Variants in SLC26A5 observed in about 807,000 individuals in gnomAD.
SLC26A5 encodes the protein solute carrier family 26 member 5.
SLC26A5 carries 51 observed loss-of-function variants against 81.0 expected under a neutral mutation model. The observed-to-expected ratio is 0.63, with a 90% CI of 0.50 to 0.80. SLC26A5 has a LOEUF of 0.80. Ranked by LOEUF, SLC26A5 falls within the 30% of genes least tolerant of loss-of-function variation. The pLI is 0.00. For missense variants in SLC26A5, 771 were observed against 905.8 expected (o/e 0.85, Z 1.91); for synonymous variants, 325 against 332.8 (o/e 0.98, Z 0.25).
intron 19 of SLC26A5, among the ~76,000 whole-genome samples, chr7:103,375,735 C>T (rs1049675774): frequency 1.3e-5 from 2 of 151,692 alleles, no homozygotes; most frequent in Admixed American, 1.3e-4. Context: ...CACCCAGCCT[C>T]AGGCACTGTT....
At chr7:103,396,288 A>G (rs1024661080) in intron 9 of SLC26A5, among the ~76,000 whole-genome samples, 3 of 152,228 alleles carry the variant, frequency 2.0e-5, no homozygotes, top group Non-Finnish European at 2.9e-5. Context: ...AGGCTCTCAA[A>G]AAAGTAAAAA....
chr7:103,362,504 G>A lies in SLC26A5; in HGVS notation c.2042-9578C>T, dbSNP rs371415814. ...GATTGCTGTTGGATAGGTTGTTTGC[G>A]ACATTAGACATGTAGTTTAGTATCC... On this transcript the variant is annotated intron_variant, in intron 19 of 19. Coordinates refer to the SLC26A5 transcript ENST00000339444. The A allele has an allele frequency of 6.4e-6, 9 of 1,406,354 alleles. No individual in the cohort carries two copies. In the East Asian group the frequency reaches 1.6e-4, roughly 25 times the overall value. The allele number at this position is 1,406,354 out of a possible 1,614,324, so 87.1% of individuals were successfully genotyped here.
chr7:103,385,356 G>A (rs990013188), intron 14 of SLC26A5, among the ~76,000 whole-genome samples: 1 of 152,054 alleles, frequency 6.6e-6, no homozygotes, highest in South Asian at 2.1e-4. Context: ...GGATGGTCTC[G>A]ATCTCCTGAC....
chr7:103,417,742 G>C (rs1825035428), intron 4 of SLC26A5, among the ~76,000 whole-genome samples: 1 of 151,824 alleles, frequency 6.6e-6, no homozygotes, highest in South Asian at 2.1e-4. Flanking sequence ...TCCTATTCCT[G>C]TCATCTTATT....
At chr7:103,411,189 C>A (rs577020503) in intron 6 of SLC26A5, among the ~76,000 whole-genome samples, 1 of 152,242 alleles carries the variant, frequency 6.6e-6, no homozygotes, top group Admixed American at 6.5e-5. Context: ...CCAATCCTGC[C>A]GTGTCAAACT....
At chr7:103,439,815 G>A (rs1004823748) in intron 2 of SLC26A5, among the ~76,000 whole-genome samples, 1 of 152,168 alleles carries the variant, frequency 6.6e-6, no homozygotes, top group East Asian at 1.9e-4. Context: ...GATGATAGAC[G>A]TGAGCCACCG....
chr7:103,437,977 C>T (rs891639017), intron 2 of SLC26A5, among the ~76,000 whole-genome samples: 1 of 152,134 alleles, frequency 6.6e-6, no homozygotes, highest in Non-Finnish European at 1.5e-5. Context: ...TCAAGTTCTC[C>T]TTCCAAACTC....
At chr7:103,433,692 T>C (rs1826240647) in intron 2 of SLC26A5, 1 of 150,412 alleles carries the variant, frequency 6.6e-6, no homozygotes, top group East Asian at 1.9e-4. Flanking sequence ...TGTATTAATT[T>C]TTTTTTCTTT....
At chr7:103,371,629 A>T (rs1339453526), downstream of SLC26A5, among the ~76,000 whole-genome samples, 1 of 151,480 alleles carries the variant, frequency 6.6e-6, no homozygotes, top group Non-Finnish European at 1.5e-5. Context: ...TGGCCTGTAC[A>T]CTACTGTCAA....
rs150015080 is a variant in SLC26A5, at chr7:103,397,951, C to T, written c.952G>A (p.Val318Ile). The stretch of plus-strand genomic sequence containing the variant: ...TCCTACCCTAGAGGAAGTGTTCCAA[C>T]GACATCCACATTGTATGATTCTTTC... ...NLKESYNVDV[V>I]GTLPLGLLPP... Residue 318 changes from valine to isoleucine, a missense_variant, in exon 9 of 20, where the codon GTT (valine) becomes ATT (isoleucine). Coordinates refer to ENST00000306312, the MANE Select transcript of SLC26A5 (RefSeq NM_198999.3). The T allele has an allele frequency of 3.2e-5, 52 of 1,613,790 alleles. No individual in the cohort carries two copies. The highest frequency in any genetic ancestry group is 1.1e-4 in the South Asian group (10 of 91,082).
rs1273108314 is a variant in SLC26A5 at position 103,411,528 on chromosome 7, A to T, written c.462T>A (p.Asp154Glu). The change falls in exon 6 of 20, where the codon GAT becomes GAA. Residue 154 changes from aspartate (D) to glutamate (E), a missense_variant. Transcript: ENST00000306312. ...TTACTCCTCCTGGAATGACTATATC[A>T]TCTGGTACTAATCGAACAGCTACAC... ...IGGVAVRLVP[D>E]DIVIPGGVNA... 1 of 1,614,162 alleles carries T rather than the reference A, an allele frequency of 6.2e-7. No homozygotes were observed. The highest frequency in any genetic ancestry group is 8.5e-7 in the Non-Finnish European group (1 of 1,180,014).
chr7:103,375,952 T>G (rs904140537), intron 19 of SLC26A5, among the ~76,000 whole-genome samples: 1 of 151,830 alleles, frequency 6.6e-6, no homozygotes, highest in Non-Finnish European at 1.5e-5. Flanking sequence ...AGATGGGGTT[T>G]CACCGTGTTA....
chr7:103,417,295 G>A (rs376102414), intron 4 of SLC26A5, among the ~76,000 whole-genome samples: 2 of 151,130 alleles, frequency 1.3e-5, no homozygotes, highest in African/African-American at 2.4e-5. Context: ...GCTTGAATCC[G>A]GGAGGCGGAG....
intron 2 of SLC26A5, among the ~76,000 whole-genome samples, chr7:103,431,374 G>A (rs547395423): frequency 6.6e-6 from 1 of 151,108 alleles, no homozygotes; most frequent in South Asian, 2.1e-4. Flanking sequence ...CCAGGCTGGA[G>A]TGCAGTGGTG....
At chr7:103,372,198 T>C (rs1294962463), downstream of SLC26A5, among the ~76,000 whole-genome samples, 1 of 152,216 alleles carries the variant, frequency 6.6e-6, no homozygotes, top group Non-Finnish European at 1.5e-5. Context: ...AATTTCACTC[T>C]AGAATTAGTT....
At chr7:103,370,459 TTTC>T (rs1820969775), downstream of SLC26A5, among the ~76,000 whole-genome samples, 1 of 151,088 alleles carries the variant, frequency 6.6e-6, no homozygotes, top group African/African-American at 2.4e-5. Flanking sequence ...TACCCTCTCT[TTTC>T]TTCATCCACG....
chr7:103,404,281 G>A lies in SLC26A5; in HGVS notation c.888+3570C>T, dbSNP rs117261699. On this transcript the variant is annotated intron_variant, in intron 8 of 19. Transcript: ENST00000306312. ...GTTGATGCAGTTTCTTCACAGTATC[G>A]ATGCTTTTTACATTTTCATTTGTTT... is the stretch of plus-strand genomic sequence containing the variant. 4.0e-3 allele frequency among the ~76,000 whole-genome samples: 607 copies of A among 152,182 alleles called. 22 individuals carry two copies. The East Asian group carries it at 0.094, about 24-fold the overall frequency.
chr7:103,400,727 CTTGAG>C (rs1294322139), intron 8 of SLC26A5, among the ~76,000 whole-genome samples: 1 of 152,150 alleles, frequency 6.6e-6, no homozygotes, highest in Non-Finnish European at 1.5e-5. Flanking sequence ...TTTAATCCAT[CTTGAG>C]TTAATTTTTG....
At chr7:103,355,614 C>CAGT in intron 19 of SLC26A5, 1 of 1,024,672 alleles carries the variant, frequency 9.8e-7, no homozygotes, top group East Asian at 2.4e-5. Flanking sequence ...TGCAAAATAT[C>CAGT]AGTAGTGCTG....
Sources: gnomAD v4.1 joint callset for allele counts (sites outside exome capture counted in the v4.1 genomes callset) on GRCh38, gnomAD v4.1.1 for gene constraint, MANE v1.5 for transcripts, NCBI Gene and HGNC (gene_info 2026-07-23, HGNC 2026-07-21) for gene names.